DNAAF4: variants seen among roughly 807,000 people sequenced by gnomAD.
DNAAF4 encodes the protein dynein axonemal assembly factor 4.
A neutral mutation model predicts 51.8 loss-of-function variants in DNAAF4; 43 were observed. The observed-to-expected ratio is 0.83, with a 90% CI of 0.65 to 1.07. DNAAF4 has a LOEUF of 1.07. DNAAF4 is among the 50% of genes least tolerant of loss of function. The pLI, the probability that DNAAF4 is intolerant of heterozygous loss-of-function variation, is 0.00. For missense variants in DNAAF4, 581 were observed against 493.0 expected, an observed-to-expected ratio of 1.18 and a Z score of -1.69; for synonymous variants, 194 against 165.6, an observed-to-expected ratio of 1.17 and a Z score of -1.32.
rs1000773350 is a variant in DNAAF4, at chr15:55,464,252, T to C, written c.637+2678A>G. Among the ~76,000 whole-genome samples, 13 of 152,254 alleles carry C rather than the reference T, an allele frequency of 8.5e-5. No individual in the cohort carries two copies. The Middle Eastern group carries it at 0.01, about 120-fold the overall frequency. On this transcript the variant is annotated intron_variant, in intron 5 of 9. Transcript: ENST00000321149. Reference sequence around the variant, plus strand: ...GTGCTGGGATAATTGGCAAACCACATGTAGGGGTATGAAACTGGATCCTCA... The same window carrying C: ...GTGCTGGGATAATTGGCAAACCACACGTAGGGGTATGAAACTGGATCCTCA...
intron 1 of DNAAF4, among the ~76,000 whole-genome samples, chr15:55,500,804 C>A (rs527942806): frequency 2.0e-5 from 3 of 151,938 alleles, no homozygotes; most frequent in South Asian, 4.2e-4. Flanking sequence ...ACCAGCCTGA[C>A]GAACATAGAG....
chr15:55,470,846 G>GCT (rs1212100101), intron 4 of DNAAF4, among the ~76,000 whole-genome samples: 1 of 86,646 alleles, frequency 1.2e-5, no homozygotes, highest in African/African-American at 3.3e-5. Context: ...ATGCCTGGCG[G>GCT]ATTTTTTTTT....
In DNAAF4 at chr15:55,498,205, A is replaced by C; in HGVS notation, c.123+2T>G. Reference sequence around the variant, plus strand: ...ACCGGCAGGCAAGACTTGCATTCTTACCTTCAGATAGTTTTCCGTGCAGAA... The same window carrying C: ...ACCGGCAGGCAAGACTTGCATTCTTCCCTTCAGATAGTTTTCCGTGCAGAA... On this transcript the variant is annotated splice_donor_variant, in intron 2 of 9. Coordinates refer to ENST00000321149, the MANE Select transcript of DNAAF4 (RefSeq NM_130810.4). LOFTEE classifies it high-confidence loss of function. 6.2e-7 allele frequency: 1 copy of C among 1,613,846 alleles called. No individual in the cohort carries two copies. Among genetic ancestry groups the C allele is most frequent in the South Asian group, 1.1e-5 (1 of 91,014 alleles).
chr15:55,487,860 C>T (rs1250874818), intron 4 of DNAAF4, among the ~76,000 whole-genome samples: 2 of 152,126 alleles, frequency 1.3e-5, no homozygotes, highest in Non-Finnish European at 2.9e-5. Flanking sequence ...GTCATTTTCC[C>T]ATTATACCTC....
At position 55,434,913 on chromosome 15, in the gene DNAAF4, A is replaced by T; in HGVS notation, c.1039T>A (p.Ser347Thr). The T allele has an allele frequency of 6.2e-7, 1 of 1,607,172 alleles. No individual in the cohort carries two copies. Among genetic ancestry groups the T allele is most frequent in the South Asian group, 1.1e-5 (1 of 89,166 alleles). ...TACATAGATATCCATACCTTAGAAG[A>T]ATCTTCAATAGCCTTGTGTAAGTTT... Reference protein sequence around the residue: ...LKNLHKAIEDSSKALELLMPP... With the variant: ...LKNLHKAIEDTSKALELLMPP... Residue 347 changes from serine (S) to threonine (T), a missense_variant, in exon 8 of 10, where the codon TCT (serine) becomes ACT (threonine). Transcript: ENST00000321149.
intron 4 of DNAAF4, among the ~76,000 whole-genome samples, chr15:55,471,765 G>A (rs559512436): frequency 5.3e-4 from 81 of 151,918 alleles, no homozygotes; most frequent in South Asian, 4.6e-3. Context: ...TGCCCGCCTC[G>A]GCCTCCCAAA....
chr15:55,505,735 G>A (rs2058723906), intron 1 of DNAAF4, among the ~76,000 whole-genome samples: 1 of 152,044 alleles, frequency 6.6e-6, no homozygotes, highest in Non-Finnish European at 1.5e-5. Context: ...ATGGACACAG[G>A]GAGGGGAACA....
intron 6 of DNAAF4, among the ~76,000 whole-genome samples, chr15:55,440,977 G>A (rs572845933): frequency 1.1e-4 from 16 of 146,886 alleles, no homozygotes; most frequent in African/African-American, 3.0e-4. Flanking sequence ...CACCGTGCCC[G>A]TCCTTAAACT....
At chr15:55,469,774 G>C (rs982287765) in intron 4 of DNAAF4, among the ~76,000 whole-genome samples, 2 of 151,838 alleles carry the variant, frequency 1.3e-5, no homozygotes, top group African/African-American at 4.8e-5. Flanking sequence ...ACAGGCGTGA[G>C]CCACTGCGCC....
chr15:55,447,777 AGAGAGAG>A (rs2057857360), intron 6 of DNAAF4, among the ~76,000 whole-genome samples: 2 of 87,358 alleles, frequency 2.3e-5, no homozygotes, highest in Non-Finnish European at 4.5e-5. Context: ...GACCGTGGAA[AGAGAGAG>A]GGGAGAGGGG....
At chr15:55,423,628 A>G (rs2057405893) in intron 7 of DNAAF4, among the ~76,000 whole-genome samples, 1 of 152,160 alleles carries the variant, frequency 6.6e-6, no homozygotes, top group South Asian at 2.1e-4. Context: ...AGATAACTAG[A>G]GAGTCATGTT....
At chr15:55,501,931 T>TA (rs1355696062) in intron 1 of DNAAF4, among the ~76,000 whole-genome samples, 1 of 151,634 alleles carries the variant, frequency 6.6e-6, no homozygotes, top group Non-Finnish European at 1.5e-5. Flanking sequence ...TAATCCCAGC[T>TA]ACTCAGGAGG....
At chr15:55,501,203 A>G (rs1044113339) in intron 1 of DNAAF4, among the ~76,000 whole-genome samples, 1 of 148,398 alleles carries the variant, frequency 6.7e-6, no homozygotes, top group Non-Finnish European at 1.5e-5. Flanking sequence ...AGCTGGCACT[A>G]TGGGCATGCA....
rs1344069420 is a variant in DNAAF4 at position 55,455,298 on chromosome 15, A to G, written c.638-4931T>C. On this transcript the variant is annotated intron_variant, in intron 5 of 9. Coordinates refer to ENST00000321149, the MANE Select transcript of DNAAF4 (RefSeq NM_130810.4). ...TCTGGTACAATTTGGTATACAATCTAGACAAGAACAGTATGAGGAAAGAAA... is the reference window on the plus strand; with the variant it reads ...TCTGGTACAATTTGGTATACAATCTGGACAAGAACAGTATGAGGAAAGAAA... 1.1e-4 allele frequency among the ~76,000 whole-genome samples: 16 copies of G among 149,592 alleles called. No homozygotes were observed. The Admixed American group carries it at 1.1e-3, about 10-fold the overall frequency.
chr15:55,440,379 T>TTA (rs550563543), intron 6 of DNAAF4, among the ~76,000 whole-genome samples: 47 of 150,030 alleles, frequency 3.1e-4, no homozygotes, highest in Non-Finnish European at 5.8e-4. Context: ...CTTGCAATAT[T>TTA]TATATATATA....
At chr15:55,480,925 A>G (rs1275521369) in intron 4 of DNAAF4, among the ~76,000 whole-genome samples, 1 of 152,132 alleles carries the variant, frequency 6.6e-6, no homozygotes, top group Non-Finnish European at 1.5e-5. Context: ...GTGGAGGTAA[A>G]TGAATCATGG....
At chr15:55,482,013 G>A (rs991922634) in intron 4 of DNAAF4, among the ~76,000 whole-genome samples, 2 of 152,228 alleles carry the variant, frequency 1.3e-5, no homozygotes, top group Non-Finnish European at 2.9e-5. Flanking sequence ...GTACAAACCT[G>A]AAAGAACATT....
intron 1 of DNAAF4, among the ~76,000 whole-genome samples, chr15:55,507,133 G>A (rs1176206145): frequency 6.6e-6 from 1 of 152,144 alleles, no homozygotes; most frequent in Non-Finnish European, 1.5e-5. Context: ...TTACAGGCAT[G>A]AGCTACCATG....
chr15:55,493,438 C>G (rs1016293281), intron 3 of DNAAF4, among the ~76,000 whole-genome samples: 3 of 152,142 alleles, frequency 2.0e-5, no homozygotes, highest in Admixed American at 6.6e-5. Flanking sequence ...TCTCATCTCT[C>G]CTGCTGTTTA....
Sources: gnomAD v4.1 joint callset for allele counts (sites outside exome capture counted in the v4.1 genomes callset) on GRCh38, gnomAD v4.1.1 for gene constraint, MANE v1.5 for transcripts, NCBI Gene and HGNC (gene_info 2026-07-23, HGNC 2026-07-21) for gene names.